Variants in SPNS2 observed in about 807,000 individuals in gnomAD.
The protein encoded by SPNS2 is sphingosine-1-phosphate transporter SPNS2.
Under a neutral mutation model 57.6 loss-of-function variants are expected in SPNS2, and 37 were observed. The ratio of observed to expected loss-of-function variants is 0.64; its 90% CI spans 0.49 to 0.85. The LOEUF is 0.85. Ranked by LOEUF, SPNS2 falls within the 40% of genes least tolerant of loss-of-function variation. The pLI is 0.00. For synonymous variants in SPNS2, 440 were observed against 346.9 expected, an observed-to-expected ratio of 1.27 and a Z score of -2.98; for missense variants, 831 against 779.1, an observed-to-expected ratio of 1.07 and a Z score of -0.79.
chr17:4,538,570 A>G lies in SPNS2; in HGVS notation c.*1122A>G. 1 of 371,000 alleles carries G rather than the reference A, an allele frequency of 2.7e-6. No individual in the cohort carries two copies. Among genetic ancestry groups the G allele is most frequent in the Middle Eastern group, 8.5e-4 (1 of 1,182 alleles). The allele number at this position is 371,000 out of a possible 1,614,324, so 23.0% of individuals were successfully genotyped here. The stretch of plus-strand genomic sequence containing the variant: ...GCCCCAACCCGCTTTGGGGGAGCTT[A>G]GCCCCCTGCGTCACCCACTCCCTGC... On this transcript the variant is annotated 3_prime_UTR_variant, in exon 13 of 13. Transcript: ENST00000329078.
At chr17:4,530,853 C>A in intron 4 of SPNS2, 70 bp downstream of exon 4, 1 of 1,563,492 alleles carries the variant, frequency 6.4e-7, no homozygotes, top group East Asian at 2.3e-5. Flanking sequence ...TGAGTTCTCC[C>A]ACTCCCTGGG....
chr17:4,510,135 C>A lies in SPNS2; in HGVS notation c.371-3112C>A, dbSNP rs185249852. ...GATCTCACCCTCCTGTGGCTGTGGC[C>A]GCCTCCAGGCCCGGAAGAGGGAAAG... On this transcript the variant is annotated intron_variant, in intron 1 of 12. Transcript: ENST00000329078. This position sits in a 1 kb window ranked among gnomAD's most constrained non-coding sequence, Gnocchi z 4.4. 3.8e-3 allele frequency among the ~76,000 whole-genome samples: 574 copies of A among 152,356 alleles called. 6 individuals are homozygous for A. The highest frequency in any genetic ancestry group is 0.013 in the African/African-American group (558 of 41,584).
intron 9 of SPNS2, 88 bp downstream of exon 9, chr17:4,533,941 C>CG: frequency 1.6e-6 from 1 of 642,314 alleles, no homozygotes; most frequent in Non-Finnish European, 2.8e-6. Flanking sequence ...GGTGAAGGGG[C>CG]GGGAGAGCTG....
chr17:4,538,706 C>G lies in SPNS2; in HGVS notation c.*1258C>G. ...AGCTTGGACAATGCTCTTCTTGCCC[C>G]TTAGTTACTGGCTGGCTGTGGCTTC... On this transcript the variant is annotated 3_prime_UTR_variant, in exon 13 of 13. Transcript: ENST00000329078. 1.6e-6 allele frequency: 1 copy of G among 616,364 alleles called. No individual in the cohort carries two copies. Among genetic ancestry groups the G allele is most frequent in the South Asian group, 1.8e-5 (1 of 55,116 alleles). The allele number at this position is 616,364 out of a possible 1,614,324, so 38.2% of individuals were successfully genotyped here.
chr17:4,533,810 C>T lies in SPNS2; in HGVS notation c.1301C>T (p.Thr434Met), dbSNP rs367840472. Residue 434 changes from threonine to methionine, a missense_variant, in exon 9 of 13, where the codon ACG becomes ATG. Thr to Met is a moderately conservative substitution (Grantham distance 81). Around this residue, in one of 2 missense-constraint regions of SPNS2, gnomAD observed 526 missense variants for 400.9 expected, o/e 1.31. Transcript: ENST00000329078. The part of the protein sequence containing the change: ...GAYICIFVGE[T>M]LLFSNWAITA... ...CAGATCTGTATCTTCGTCGGGGAGA[C>T]GCTGCTGTTTTCTAACTGGGCCATC... is the stretch of plus-strand genomic sequence containing the variant. 35 of 1,613,572 alleles carry T rather than the reference C, an allele frequency of 2.2e-5. No individual in the cohort carries two copies. The highest frequency in any genetic ancestry group is 3.3e-4 in the Middle Eastern group (2 of 6,084).
chr17:4,499,135 G>T lies in SPNS2; in HGVS notation c.88G>T (p.Ala30Ser). 8.6e-7 allele frequency: 1 copy of T among 1,160,256 alleles called. No individual in the cohort carries two copies. The highest frequency in any genetic ancestry group is 1.1e-6 in the Non-Finnish European group (1 of 941,656). The allele number at this position is 1,160,256 out of a possible 1,614,324, so 71.9% of individuals were successfully genotyped here. Residue 30 changes from alanine to serine, a missense_variant, in exon 1 of 13, where the codon GCG becomes TCG. Physicochemically the swap from Ala to Ser is moderately conservative, Grantham distance 99 (BLOSUM62 1). Coordinates refer to ENST00000329078, the MANE Select transcript of SPNS2 (RefSeq NM_001124758.3). This position sits in a 1 kb window ranked among gnomAD's most constrained non-coding sequence, Gnocchi z 5.2. ...DAERRRRRRG[A>S]QRGAGGSGCC... is the part of the protein sequence containing the mutation. ...GGAGCGGCGGCGCCGGCGCCGGGGG[G>T]CGCAGCGAGGGGCTGGCGGTAGCGG...
rs994041955 is a variant in SPNS2 at position 4,512,851 on chromosome 17, C to G, written c.371-396C>G. On this transcript the variant is annotated intron_variant, in intron 1 of 12. Transcript: ENST00000329078. This position sits in a 1 kb window ranked among gnomAD's most constrained non-coding sequence, Gnocchi z 5.2. The stretch of plus-strand genomic sequence containing the variant: ...AGAGGGCTCCCCGCAGCTTTCAGGG[C>G]CCCCGCTGCTCTCTGAGTCATGGGC... Among the ~76,000 whole-genome samples, 1 of 152,184 alleles carries G rather than the reference C, an allele frequency of 6.6e-6. No individual in the cohort carries two copies. Among genetic ancestry groups the G allele is most frequent in the African/African-American group, 2.4e-5 (1 of 41,454 alleles).
chr17:4,527,934 A>C (rs1342266712), intron 3 of SPNS2, among the ~76,000 whole-genome samples: 15 of 139,390 alleles, frequency 1.1e-4, no homozygotes, highest in Admixed American at 9.5e-4. Context: ...TGCATGTAAG[A>C]AGCACTGGAA....
intron 7 of SPNS2, 54 bp downstream of exon 7, chr17:4,533,183 C>G: frequency 1.3e-6 from 2 of 1,580,700 alleles, no homozygotes; most frequent in Non-Finnish European, 1.7e-6. Flanking sequence ...GACAGGAGAG[C>G]CCCTCAGCCT....
chr17:4,504,212 G>A (rs1014588946), intron 1 of SPNS2, among the ~76,000 whole-genome samples: 5 of 152,194 alleles, frequency 3.3e-5, no homozygotes, highest in Admixed American at 6.5e-5. Context: ...CATCTGCACC[G>A]TGGAGAAACC....
rs1368343624 is a variant in SPNS2, at chr17:4,511,246, G to A, written c.371-2001G>A. Among the ~76,000 whole-genome samples, 3 of 152,204 alleles carry A rather than the reference G, an allele frequency of 2.0e-5. No homozygotes were observed. The highest frequency in any genetic ancestry group is 4.4e-5 in the Non-Finnish European group (3 of 68,030). On this transcript the variant is annotated intron_variant, in intron 1 of 12. Transcript: ENST00000329078. This position sits in a 1 kb window ranked among gnomAD's most constrained non-coding sequence, Gnocchi z 4.6. ...CTAACTTATTGAGGGTGGTGGGAGG[G>A]GAGCAAGCAGGGGAGATATTCCAGA...
rs763638535 is a variant in SPNS2, at chr17:4,533,238, C to A, written c.1089-5C>A. 1.3e-6 allele frequency: 2 copies of A among 1,595,056 alleles called. No homozygotes were observed. Among genetic ancestry groups the A allele is most frequent in the Non-Finnish European group, 1.7e-6 (2 of 1,167,840 alleles). ...CTCGTGCGCCACCATCCTCTGTCCC[C>A]ACAGCCTCATCTTTGGGGCCATCAC... On this transcript the variant is annotated splice_polypyrimidine_tract_variant and splice_region_variant and intron_variant, in intron 7 of 12. Coordinates refer to ENST00000329078, the MANE Select transcript of SPNS2 (RefSeq NM_001124758.3).
intron 1 of SPNS2, among the ~76,000 whole-genome samples, chr17:4,501,523 C>T (rs930568160): frequency 1.3e-5 from 2 of 152,194 alleles, no homozygotes; most frequent in African/African-American, 4.8e-5. Context: ...CTTGCCTGGG[C>T]TGTGCCTCCC....
chr17:4,531,714 T>G, intron 5 of SPNS2, among the ~76,000 whole-genome samples: 1 of 150,256 alleles, frequency 6.7e-6, no homozygotes, highest in African/African-American at 2.5e-5. Context: ...GAGAGGGAGG[T>G]GGCAGGCAGA....
Position 4,533,445 on chromosome 17 carries a change from G to T in SPNS2, c.1278+13G>T. On this transcript the variant is annotated intron_variant, in intron 8 of 12. Transcript: ENST00000329078. Reference sequence around the variant, plus strand: ...CGTAGGAGCCTATGTGAGTGCAGCGGGGGTCAAGGGTGCTGGGGGAGCTGG... The same window carrying T: ...CGTAGGAGCCTATGTGAGTGCAGCGTGGGTCAAGGGTGCTGGGGGAGCTGG... 6.3e-7 allele frequency: 1 copy of T among 1,580,598 alleles called. No individual in the cohort carries two copies.
intron 1 of SPNS2, among the ~76,000 whole-genome samples, chr17:4,500,831 G>T (rs1227055113): frequency 6.6e-6 from 1 of 151,726 alleles, no homozygotes; most frequent in Non-Finnish European, 1.5e-5. Flanking sequence ...ACCCCCCTTG[G>T]CTCTCTGTCC....
chr17:4,536,177 G>A lies in SPNS2; in HGVS notation c.1443+3G>A. The A allele has an allele frequency of 1.2e-6, 2 of 1,611,232 alleles. No individual in the cohort carries two copies. Among genetic ancestry groups the A allele is most frequent in the Non-Finnish European group, 1.7e-6 (2 of 1,179,286 alleles). On this transcript the variant is annotated splice_donor_region_variant and intron_variant, in intron 10 of 12. Coordinates refer to ENST00000329078, the MANE Select transcript of SPNS2 (RefSeq NM_001124758.3). The stretch of plus-strand genomic sequence containing the variant: ...GGAGCCCCTACCTCATTGGCTTTGT[G>A]AGTAGCCCCGGGGTGGGGCTGGCCA...
chr17:4,499,617 T>C lies in SPNS2; in HGVS notation c.370+200T>C, dbSNP rs1904403307. 1 of 406,634 alleles carries C rather than the reference T, an allele frequency of 2.5e-6. No individual in the cohort carries two copies. Among genetic ancestry groups the C allele is most frequent in the East Asian group, 3.6e-5 (1 of 27,482 alleles). The allele number at this position is 406,634 out of a possible 1,614,324, so 25.2% of individuals were successfully genotyped here. ...CCACGGGTACAATCCAGCTCCCCGC[T>C]CATACACACCCGGGGCCAAGGGATA... is the stretch of plus-strand genomic sequence containing the variant. On this transcript the variant is annotated intron_variant, in intron 1 of 12. Transcript: ENST00000329078. This position sits in a 1 kb window ranked among gnomAD's most constrained non-coding sequence, Gnocchi z 5.2.
chr17:4,507,187 C>T (rs4790636), intron 1 of SPNS2, among the ~76,000 whole-genome samples: 37,453 of 152,114 alleles, frequency 0.25, 4,745 homozygotes, highest in South Asian at 0.35. Flanking sequence ...TGCAGCCAAG[C>T]GGGAGCAGGG....
Sources: allele counts gnomAD v4.1 joint callset (sites outside exome capture counted in the v4.1 genomes callset), GRCh38; gene constraint gnomAD v4.1.1; regional missense constraint gnomAD v4.1.1; non-coding constraint Gnocchi (gnomAD v3.1); transcripts MANE v1.5; gene names NCBI Gene and HGNC (gene_info 2026-07-23, HGNC 2026-07-21).